The following KDM4C variants were observed in gnomAD, a reference collection of about 807,000 sequenced individuals.
The protein encoded by KDM4C is lysine demethylase 4C.
KDM4C carries 81 observed loss-of-function variants against 129.3 expected under a neutral mutation model. That is an observed-to-expected ratio of 0.63 (90% confidence interval 0.52 to 0.75). The LOEUF is 0.75. Ranked by LOEUF, KDM4C falls within the 30% of genes least tolerant of loss-of-function variation. KDM4C has a pLI of 0.00. For missense variants in KDM4C, 1,457 were observed against 1,304.0 expected (o/e 1.12, Z -1.81); for synonymous variants, 573 against 456.1 (o/e 1.26, Z -3.26).
At chr9:7,069,522 A>G (rs148255942) in intron 17 of KDM4C, among the ~76,000 whole-genome samples, 255 of 152,336 alleles carry the variant, frequency 1.7e-3, no homozygotes, top group African/African-American at 5.8e-3. Flanking sequence ...TAAAAGCAAA[A>G]CAAAACAAAA....
intron 1 of KDM4C, among the ~76,000 whole-genome samples, chr9:6,784,102 T>A (rs1824956128): frequency 6.6e-6 from 1 of 152,160 alleles, no homozygotes; most frequent in Non-Finnish European, 1.5e-5. Flanking sequence ...CAGATGTTAC[T>A]ATAGCCTGGC....
At chr9:6,792,664 G>A (rs548844299) in intron 1 of KDM4C, among the ~76,000 whole-genome samples, 54 of 152,280 alleles carry the variant, frequency 3.5e-4, no homozygotes, top group South Asian at 3.5e-3. Flanking sequence ...TGAGATTACA[G>A]GCGTGAGCCA....
intron 1 of KDM4C, 54 bp from the exon 2 acceptor site, chr9:6,792,918 T>A (rs1826967643): frequency 6.4e-7 from 1 of 1,557,596 alleles, no homozygotes; most frequent in Non-Finnish European, 8.8e-7. Flanking sequence ...TTGTTAAAAA[T>A]GACCTAAAGC....
At chr9:6,970,024 C>G (rs1379064122) in intron 8 of KDM4C, among the ~76,000 whole-genome samples, 1 of 152,226 alleles carries the variant, frequency 6.6e-6, no homozygotes, top group Non-Finnish European at 1.5e-5. Flanking sequence ...ATCTCTGAAC[C>G]AATCACTGTT....
At position 7,024,655 on chromosome 9, in the gene KDM4C, G is replaced by A. The variant is rs10975986; in HGVS notation, c.2259+8726G>A. Reference sequence around the variant, plus strand: ...AGCTTCATCCATGTCCCTGCAAAGGGCATGAACTCATCATTTTTTATGGCT... The same window carrying A: ...AGCTTCATCCATGTCCCTGCAAAGGACATGAACTCATCATTTTTTATGGCT... On this transcript the variant is annotated intron_variant, in intron 15 of 21. Transcript: ENST00000381309. Among the ~76,000 whole-genome samples, 375 of 152,108 alleles carry A rather than the reference G, an allele frequency of 2.5e-3. 8 individuals carry two copies. In the East Asian group the frequency reaches 0.026, roughly 11 times the overall value.
chr9:6,903,696 G>C (rs1308290681), intron 8 of KDM4C, among the ~76,000 whole-genome samples: 1 of 152,122 alleles, frequency 6.6e-6, no homozygotes, highest in African/African-American at 2.4e-5. Context: ...AAATTTTACA[G>C]AAAAGCATTG....
chr9:7,058,916 G>A (rs1831241986), intron 17 of KDM4C, among the ~76,000 whole-genome samples: 1 of 151,792 alleles, frequency 6.6e-6, no homozygotes, highest in South Asian at 2.1e-4. Context: ...TGTGTATTTG[G>A]CAGACATTTT....
At chr9:6,900,424 C>A (rs896046178) in intron 8 of KDM4C, among the ~76,000 whole-genome samples, 2 of 152,234 alleles carry the variant, frequency 1.3e-5, no homozygotes, top group Non-Finnish European at 2.9e-5. Flanking sequence ...GCTGATGTCA[C>A]CACCAAGTGG....
At position 6,995,999 on chromosome 9, in the gene KDM4C, G is replaced by A. The variant is rs558987505; in HGVS notation, c.1786+5475G>A. ...GTTTTAAGTTTTAAAAATATATTTA[G>A]GGGGTACAAGTTCAGATTTATTACA... is the stretch of plus-strand genomic sequence containing the variant. On this transcript the variant is annotated intron_variant, in intron 12 of 21. Transcript: ENST00000381309. Among the ~76,000 whole-genome samples, 1,016 of 152,256 alleles carry A rather than the reference G, an allele frequency of 6.7e-3. 10 individuals are homozygous for A. The highest frequency in any genetic ancestry group is 0.023 in the African/African-American group (966 of 41,546).
At chr9:6,939,976 A>ACTTTCCTTCCTTCCTT (rs1825578062) in intron 8 of KDM4C, among the ~76,000 whole-genome samples, 1 of 93,480 alleles carries the variant, frequency 1.1e-5, no homozygotes, top group Non-Finnish European at 2.2e-5. Context: ...CTACCTACCT[A>ACTTTCCTTCCTTCCTT]CCTTCCTTCC....
intron 19 of KDM4C, among the ~76,000 whole-genome samples, chr9:7,162,826 T>G (rs969075029): frequency 6.6e-6 from 1 of 152,150 alleles, no homozygotes; most frequent in Non-Finnish European, 1.5e-5. Context: ...ATGTATTTCC[T>G]GAGGCGTTGA....
At chr9:6,893,868 C>T (rs185552866) in intron 8 of KDM4C, among the ~76,000 whole-genome samples, 3 of 152,068 alleles carry the variant, frequency 2.0e-5, no homozygotes, top group East Asian at 1.9e-4. Context: ...ATTACTTTCC[C>T]CCTGTGGTGT....
chr9:7,160,569 C>T (rs1843679122), intron 19 of KDM4C, among the ~76,000 whole-genome samples: 1 of 152,110 alleles, frequency 6.6e-6, no homozygotes, highest in Admixed American at 6.5e-5. Flanking sequence ...TGTTAGTTTT[C>T]CTTCTAACAG....
intron 4 of KDM4C, among the ~76,000 whole-genome samples, chr9:6,846,498 A>G (rs1320897698): frequency 1.3e-5 from 2 of 152,174 alleles, no homozygotes; most frequent in Non-Finnish European, 2.9e-5. Context: ...TCAGATAGCT[A>G]GTTTAATAGT....
chr9:7,092,235 C>T (rs547303833), intron 17 of KDM4C, among the ~76,000 whole-genome samples: 2 of 152,190 alleles, frequency 1.3e-5, no homozygotes, highest in African/African-American at 4.8e-5. Context: ...CACAGTAATC[C>T]TCTGAAGTAC....
At chr9:6,814,067 A>G (rs938106958) in intron 3 of KDM4C, among the ~76,000 whole-genome samples, 1 of 152,154 alleles carries the variant, frequency 6.6e-6, no homozygotes, top group Non-Finnish European at 1.5e-5. Context: ...GTCAATTTTT[A>G]AAAAGCTTTT....
chr9:7,160,302 G>A (rs111412592), intron 19 of KDM4C, among the ~76,000 whole-genome samples: 27 of 152,114 alleles, frequency 1.8e-4, no homozygotes, highest in African/African-American at 6.3e-4. Flanking sequence ...GGAGAAGTTT[G>A]TTATTACCGA....
chr9:7,116,517 C>T (rs909294265), intron 18 of KDM4C, among the ~76,000 whole-genome samples: 11 of 152,064 alleles, frequency 7.2e-5, no homozygotes, highest in African/African-American at 2.4e-4. Context: ...CCCATCCTGC[C>T]CCCACGTGAA....
chr9:7,028,499 C>T (rs1826174641), intron 15 of KDM4C, among the ~76,000 whole-genome samples: 1 of 151,520 alleles, frequency 6.6e-6, no homozygotes, highest in Non-Finnish European at 1.5e-5. Flanking sequence ...TTCTCCTCTC[C>T]TCAAGCAGAA....
Sources: gnomAD v4.1 joint callset for allele counts (sites outside exome capture counted in the v4.1 genomes callset) on GRCh38, gnomAD v4.1.1 for gene constraint, MANE v1.5 for transcripts, NCBI Gene and HGNC (gene_info 2026-07-23, HGNC 2026-07-21) for gene names.